Variants in SLC9C1 observed in about 807,000 individuals in gnomAD.
SLC9C1 encodes sodium/hydrogen exchanger 10.
In SLC9C1, 97 loss-of-function variants were observed where a neutral mutation model predicts 140.9. The observed-to-expected ratio is 0.69, with a 90% confidence interval of 0.58 to 0.82. The LOEUF (loss-of-function observed/expected upper bound fraction) is 0.82. Ranked by LOEUF, SLC9C1 falls within the 40% of genes least tolerant of loss-of-function variation. SLC9C1 has a pLI of 0.00. For synonymous variants in SLC9C1, 440 were observed against 442.6 expected, an observed-to-expected ratio of 0.99 and a Z score of 0.07; for missense variants, 1,340 against 1,389.3, an observed-to-expected ratio of 0.96 and a Z score of 0.56.
At chr3:112,216,777 C>A (rs544916695) in intron 15 of SLC9C1, among the ~76,000 whole-genome samples, 1 of 152,290 alleles carries the variant, frequency 6.6e-6, no homozygotes, top group South Asian at 2.1e-4. Context: ...CGAGTTCAAC[C>A]ATTGTGGAAG....
chr3:112,233,656 G>A (rs1479085453), intron 12 of SLC9C1, among the ~76,000 whole-genome samples: 2 of 132,788 alleles, frequency 1.5e-5, no homozygotes, highest in Admixed American at 9.6e-5. Flanking sequence ...GCAGTCCCCA[G>A]TGTGTGATGT....
chr3:112,151,281 A>G (rs766639671), intron 28 of SLC9C1: 36 of 510,260 alleles, frequency 7.1e-5, no homozygotes, highest in Non-Finnish European at 1.2e-4. Context: ...TGAACAGTTA[A>G]CTGTCGGACT....
intron 2 of SLC9C1, among the ~76,000 whole-genome samples, chr3:112,285,327 C>T (rs2080476852): frequency 6.6e-6 from 1 of 152,110 alleles, no homozygotes; most frequent in South Asian, 2.1e-4. Flanking sequence ...CAACCTTCGC[C>T]TCCCAGGCTC....
chr3:112,213,487 G>A (rs924893964), intron 15 of SLC9C1, among the ~76,000 whole-genome samples: 1 of 152,012 alleles, frequency 6.6e-6, no homozygotes, highest in Non-Finnish European at 1.5e-5. Flanking sequence ...ACACACATAG[G>A]CTCAAAATAA....
chr3:112,274,187 G>A (rs1278666151), intron 6 of SLC9C1, among the ~76,000 whole-genome samples: 1 of 152,090 alleles, frequency 6.6e-6, no homozygotes, highest in Non-Finnish European at 1.5e-5. Flanking sequence ...GGAAGATACA[G>A]GGTTTTGACC....
At chr3:112,205,801 T>C (rs1259864246) in intron 16 of SLC9C1, among the ~76,000 whole-genome samples, 1 of 140,268 alleles carries the variant, frequency 7.1e-6, no homozygotes, top group African/African-American at 2.6e-5. Flanking sequence ...GCTAGCCAAA[T>C]GTAGAAAGCT....
At chr3:112,258,708 C>CT (rs1158024981) in intron 10 of SLC9C1, among the ~76,000 whole-genome samples, 1 of 152,128 alleles carries the variant, frequency 6.6e-6, no homozygotes, top group Non-Finnish European at 1.5e-5. Flanking sequence ...GATCCACCCA[C>CT]TTCAGCCTCC....
chr3:112,238,533 C>G (rs1374589350), intron 12 of SLC9C1, among the ~76,000 whole-genome samples: 1 of 152,176 alleles, frequency 6.6e-6, no homozygotes, highest in African/African-American at 2.4e-5. Flanking sequence ...GAGAGGTGCT[C>G]TGATTTTTAG....
At chr3:112,157,730 C>T (rs2061962988) in intron 26 of SLC9C1, among the ~76,000 whole-genome samples, 1 of 148,612 alleles carries the variant, frequency 6.7e-6, no homozygotes, top group Non-Finnish European at 1.5e-5. Flanking sequence ...TTGTAGAGAT[C>T]TTTCACTTCT....
At chr3:112,231,933 C>T (rs537168755) in intron 12 of SLC9C1, among the ~76,000 whole-genome samples, 5 of 152,216 alleles carry the variant, frequency 3.3e-5, no homozygotes, top group African/African-American at 9.6e-5. Context: ...AATTTTGCTG[C>T]AGCTAAAGCT....
At position 112,208,226 on chromosome 3, in the gene SLC9C1, G is replaced by A; in HGVS notation, c.1938C>T (p.His646=). 2 of 1,610,612 alleles carry A rather than the reference G, an allele frequency of 1.2e-6. No individual in the cohort carries two copies. Among genetic ancestry groups the A allele is most frequent in the Non-Finnish European group, 1.7e-6 (2 of 1,178,676 alleles). Reference sequence around the variant, plus strand: ...AAAGTGTAAGAAAACAGTAGTTAGTGTGTTTTAATTCGCTGTGGTAGATTA... The same window carrying A: ...AAAGTGTAAGAAAACAGTAGTTAGTATGTTTTAATTCGCTGTGGTAGATTA... ...LNVIYHSELK[H]TNYCFLTLYI... Residue 646 remains histidine (H), a synonymous_variant, in exon 16 of 29, where the codon CAC becomes CAT. Coordinates refer to ENST00000305815, the MANE Select transcript of SLC9C1 (RefSeq NM_183061.3).
chr3:112,215,968 G>A (rs1483592857), intron 15 of SLC9C1, among the ~76,000 whole-genome samples: 5 of 152,096 alleles, frequency 3.3e-5, no homozygotes, highest in African/African-American at 4.8e-5. Context: ...CTACAAGGCT[G>A]TGGTAACCAA....
At chr3:112,186,961 G>C (rs138157756) in intron 20 of SLC9C1, among the ~76,000 whole-genome samples, 43 of 152,264 alleles carry the variant, frequency 2.8e-4, no homozygotes, top group African/African-American at 9.6e-4. Flanking sequence ...CATTGCTTCT[G>C]TTCATTATTT....
intron 11 of SLC9C1, among the ~76,000 whole-genome samples, chr3:112,241,703 A>G (rs1357268282): frequency 1.3e-5 from 2 of 152,186 alleles, no homozygotes; most frequent in African/African-American, 2.4e-5. Flanking sequence ...AAACTATACT[A>G]CTAGTCTACA....
intron 15 of SLC9C1, among the ~76,000 whole-genome samples, chr3:112,214,066 G>T (rs1420429823): frequency 6.6e-6 from 1 of 152,134 alleles, no homozygotes; most frequent in Non-Finnish European, 1.5e-5. Context: ...ACTCAAAATC[G>T]CTCAACTACA....
rs148263777 is a variant in SLC9C1 at position 112,282,617 on chromosome 3, A to G, written c.89-1834T>C. Among the ~76,000 whole-genome samples, 736 of 152,270 alleles carry G rather than the reference A, an allele frequency of 4.8e-3. 8 individuals carry two copies. The highest frequency in any genetic ancestry group is 0.017 in the African/African-American group (699 of 41,542). ...TGGCACCTTCTCACTTTTTTGTCCTAATCCTAATAATTTGTTAAGGGCAGT... is the reference window on the plus strand; with the variant it reads ...TGGCACCTTCTCACTTTTTTGTCCTGATCCTAATAATTTGTTAAGGGCAGT... On this transcript the variant is annotated intron_variant, in intron 2 of 28. Transcript: ENST00000305815.
In SLC9C1 at chr3:112,202,270, T is replaced by C. The variant is rs755173692; in HGVS notation, c.2302A>G (p.Ser768Gly). The change falls in exon 18 of 29, where the codon AGT (serine) becomes GGT (glycine). Residue 768 changes from serine to glycine, a missense_variant. Transcript: ENST00000305815. ...CTTACCTGTTTAATCTGTTTAGAAC[T>C]TGTAATCTGATCAATTATGGTCATT... ...DIMTIIDQIT[S>G]SKQIKQMLLK... 6.2e-7 allele frequency: 1 copy of C among 1,610,886 alleles called. No individual in the cohort carries two copies. Among genetic ancestry groups the C allele is most frequent in the Non-Finnish European group, 8.5e-7 (1 of 1,178,740 alleles).
chr3:112,275,807 T>A (rs750229440), intron 5 of SLC9C1, among the ~76,000 whole-genome samples: 5 of 152,142 alleles, frequency 3.3e-5, no homozygotes, highest in Non-Finnish European at 7.4e-5. Flanking sequence ...GCCTTGGCCA[T>A]TCCATACTTC....
Position 112,169,354 on chromosome 3 carries a change from T to C in SLC9C1, c.2920-26A>G, listed in dbSNP as rs771397210. 3 of 1,595,432 alleles carry C rather than the reference T, an allele frequency of 1.9e-6. No individual in the cohort carries two copies. In the East Asian group the frequency reaches 6.7e-5, roughly 36 times the overall value. ...CTGGAAAAGAAGGATGTAAATTTGA[T>C]ATTTTATTTTGTGCACTATGGTTTA... On this transcript the variant is annotated intron_variant, in intron 23 of 28. Coordinates refer to ENST00000305815, the MANE Select transcript of SLC9C1 (RefSeq NM_183061.3).
Sources: allele counts gnomAD v4.1 joint callset (sites outside exome capture counted in the v4.1 genomes callset), GRCh38; gene constraint gnomAD v4.1.1; transcripts MANE v1.5; gene names NCBI Gene and HGNC (gene_info 2026-07-23, HGNC 2026-07-21).